Variants in MED27 observed in about 807,000 individuals in gnomAD.
MED27 encodes mediator of RNA polymerase II transcription subunit 27.
Under a neutral mutation model 38.2 loss-of-function variants are expected in MED27, and 30 were observed. That is an observed-to-expected ratio of 0.79 (90% CI 0.59 to 1.07). The LOEUF (loss-of-function observed/expected upper bound fraction) is 1.07. MED27 is among the 50% of genes least tolerant of loss of function. The probability of loss-of-function intolerance (pLI) is 0.00; values close to 1 mark genes in which losing one functional copy is unlikely to be tolerated. For missense variants in MED27, 289 were observed against 397.5 expected (o/e 0.73, Z 2.32); for synonymous variants, 122 against 153.5 (o/e 0.79, Z 1.52).
intron 2 of MED27, chr9:132,032,152 G>A (rs775211752): frequency 2.0e-5 from 3 of 152,146 alleles, no homozygotes; most frequent in Non-Finnish European, 4.4e-5. Flanking sequence ...ACAAGCCCAC[G>A]AGCCGAGCCC....
intron 4 of MED27, among the ~76,000 whole-genome samples, chr9:131,922,196 T>C (rs2131553156): frequency 6.6e-6 from 1 of 151,506 alleles, no homozygotes; most frequent in East Asian, 1.9e-4. Context: ...AATAAAATAA[T>C]AAAAATAAAA....
At chr9:131,928,955 A>G (rs939351370) in intron 4 of MED27, among the ~76,000 whole-genome samples, 1 of 152,238 alleles carries the variant, frequency 6.6e-6, no homozygotes, top group Non-Finnish European at 1.5e-5. Flanking sequence ...CAGCAATGAA[A>G]GTGACCCTTC....
chr9:132,043,482 A>G (rs906432366), intron 2 of MED27, among the ~76,000 whole-genome samples: 2 of 152,152 alleles, frequency 1.3e-5, no homozygotes, highest in African/African-American at 4.8e-5. Context: ...AGCTGGGAGC[A>G]GGTACATGAG....
intron 5 of MED27, among the ~76,000 whole-genome samples, chr9:131,885,256 C>G (rs1839118323): frequency 6.6e-6 from 1 of 152,212 alleles, no homozygotes; most frequent in South Asian, 2.1e-4. Context: ...GATGGGGAAA[C>G]AATAGCTCAG....
At chr9:131,935,747 C>T (rs1463860746) in intron 4 of MED27, among the ~76,000 whole-genome samples, 2 of 152,060 alleles carry the variant, frequency 1.3e-5, no homozygotes, top group Non-Finnish European at 2.9e-5. Flanking sequence ...TGTTTATATT[C>T]TATTTCTCAA....
chr9:132,021,442 A>G (rs916946743), intron 2 of MED27, among the ~76,000 whole-genome samples: 7 of 152,230 alleles, frequency 4.6e-5, no homozygotes, highest in African/African-American at 1.7e-4. Flanking sequence ...AAAGGGAAAG[A>G]GAAAGACAAC....
At chr9:132,023,463 G>C (rs1056931788) in intron 2 of MED27, among the ~76,000 whole-genome samples, 5 of 152,216 alleles carry the variant, frequency 3.3e-5, no homozygotes, top group African/African-American at 9.7e-5. Context: ...GCGCCTCCTA[G>C]TCCATTTAGA....
chr9:132,065,331 C>T (rs769774692), intron 2 of MED27, among the ~76,000 whole-genome samples: 118 of 152,188 alleles, frequency 7.8e-4, no homozygotes, highest in Non-Finnish European at 1.3e-3. Context: ...TCTACCATAA[C>T]CCTCCAGTGC....
chr9:132,053,996 GA>G (rs200276449), intron 2 of MED27, among the ~76,000 whole-genome samples: 129 of 147,710 alleles, frequency 8.7e-4, no homozygotes, highest in South Asian at 2.1e-3. Flanking sequence ...AATGTATTCA[GA>G]AAAAAAAAAT....
chr9:131,924,438 C>T (rs898928028), intron 4 of MED27, among the ~76,000 whole-genome samples: 4 of 151,956 alleles, frequency 2.6e-5, no homozygotes, highest in South Asian at 2.1e-4. Context: ...GTGTTTTACC[C>T]TATATTTTTA....
chr9:132,062,277 C>A (rs749923842), intron 2 of MED27, among the ~76,000 whole-genome samples: 3 of 152,236 alleles, frequency 2.0e-5, no homozygotes, highest in Admixed American at 6.5e-5. Flanking sequence ...TACCTACAGT[C>A]CAGCATGAAT....
chr9:131,866,323 C>G (rs1304477393), intron 6 of MED27, among the ~76,000 whole-genome samples: 8 of 152,348 alleles, frequency 5.3e-5, no homozygotes, highest in Admixed American at 2.0e-4. Flanking sequence ...GGTGCTCTCT[C>G]CAGGCAAGGC....
At chr9:131,876,838 G>A (rs879812150) in intron 6 of MED27, among the ~76,000 whole-genome samples, 6 of 152,150 alleles carry the variant, frequency 3.9e-5, no homozygotes, top group South Asian at 2.1e-4. Context: ...TACATGAAGC[G>A]GCCCATTTCC....
chr9:131,927,489 G>A (rs1341329291), intron 4 of MED27, among the ~76,000 whole-genome samples: 1 of 152,172 alleles, frequency 6.6e-6, no homozygotes. Flanking sequence ...TTTTATTTCT[G>A]CCATTCATGT....
chr9:132,010,948 G>A (rs998260621), intron 3 of MED27, among the ~76,000 whole-genome samples: 2 of 152,148 alleles, frequency 1.3e-5, no homozygotes, highest in Non-Finnish European at 2.9e-5. Flanking sequence ...GAGTTAATGG[G>A]TGCAGCACAC....
At chr9:132,066,868 A>C (rs1247725837) in intron 2 of MED27, among the ~76,000 whole-genome samples, 3 of 152,192 alleles carry the variant, frequency 2.0e-5, no homozygotes, top group Admixed American at 1.3e-4. Context: ...AAAATAATAA[A>C]AATAAAAATA....
intron 2 of MED27, among the ~76,000 whole-genome samples, chr9:132,030,134 CCAGTGTTA>C (rs1832923260): frequency 6.6e-6 from 1 of 152,190 alleles, no homozygotes; most frequent in East Asian, 1.9e-4. Flanking sequence ...ACAAGCCTGA[CCAGTGTTA>C]GGGGATTCGG....
chr9:131,873,020 C>T (rs1041384347), intron 6 of MED27, among the ~76,000 whole-genome samples: 12 of 152,226 alleles, frequency 7.9e-5, no homozygotes, highest in Non-Finnish European at 7.3e-5. Context: ...GCAGTTCCCA[C>T]GATGCAGAGA....
intron 2 of MED27, among the ~76,000 whole-genome samples, chr9:132,043,126 T>C (rs1833255960): frequency 6.6e-6 from 1 of 152,100 alleles, no homozygotes; most frequent in Non-Finnish European, 1.5e-5. Flanking sequence ...TAAATCTATA[T>C]AGGGTGAGGG....
Sources: allele counts gnomAD v4.1 joint callset (sites outside exome capture counted in the v4.1 genomes callset), GRCh38; gene constraint gnomAD v4.1.1; transcripts MANE v1.5; gene names NCBI Gene and HGNC (gene_info 2026-07-23, HGNC 2026-07-21).